Variants in SAMD4A observed in about 807,000 individuals in gnomAD.
The protein encoded by SAMD4A is sterile alpha motif domain containing 4A.
SAMD4A carries 33 observed loss-of-function variants against 81.3 expected under a neutral mutation model. That is an observed-to-expected ratio of 0.41 (90% CI 0.31 to 0.54). The LOEUF (loss-of-function observed/expected upper bound fraction) is 0.54. Among genes scored for constraint, SAMD4A ranks in the 20% least tolerant of loss-of-function variants. The pLI, the probability that SAMD4A is intolerant of heterozygous loss-of-function variation, is 0.37. For synonymous variants in SAMD4A, 389 were observed against 382.1 expected, an observed-to-expected ratio of 1.02 and a Z score of -0.21; for missense variants, 854 against 951.1, an observed-to-expected ratio of 0.90 and a Z score of 1.34.
At chr14:54,679,303 T>C (rs2036074683) in intron 2 of SAMD4A, among the ~76,000 whole-genome samples, 1 of 152,242 alleles carries the variant, frequency 6.6e-6, no homozygotes, top group African/African-American at 2.4e-5. Flanking sequence ...ACTTAGCCAC[T>C]TGATTCTGAT....
chr14:54,631,601 C>G (rs1367239188), intron 2 of SAMD4A, among the ~76,000 whole-genome samples: 1 of 152,138 alleles, frequency 6.6e-6, no homozygotes, highest in Non-Finnish European at 1.5e-5. Context: ...GATGTGGCCT[C>G]AAAGAAGGAG....
chr14:54,750,268 T>C (rs1184399566), intron 5 of SAMD4A, among the ~76,000 whole-genome samples: 1 of 152,214 alleles, frequency 6.6e-6, no homozygotes, highest in Non-Finnish European at 1.5e-5. Context: ...AACAGAAATA[T>C]ACCCCCAGTG....
rs190797260 is a variant in SAMD4A, at chr14:54,659,245, C to T, written c.197-42817C>T. On this transcript the variant is annotated intron_variant, in intron 2 of 12. Coordinates refer to ENST00000554335, the MANE Select transcript of SAMD4A (RefSeq NM_015589.6). ...TTACCCAGCTATCCTGGGTCTTGCT[C>T]GGCTGCTTGAGGACTGATGAGATCA... Among the ~76,000 whole-genome samples the T allele has an allele frequency of 2.2e-3, 334 of 152,230 alleles. 1 individual carries two copies. The highest frequency in any genetic ancestry group is 2.9e-3 in the African/African-American group (122 of 41,544).
intron 2 of SAMD4A, among the ~76,000 whole-genome samples, chr14:54,584,678 T>A (rs879170596): frequency 1.3e-5 from 2 of 152,222 alleles, no homozygotes; most frequent in Admixed American, 1.3e-4. Flanking sequence ...TTTACCGCAT[T>A]GCTTGGCAAC....
At chr14:54,739,055 C>CTTTTCTTTTTTT (rs5741994) in intron 4 of SAMD4A, among the ~76,000 whole-genome samples, 65 of 97,352 alleles carry the variant, frequency 6.7e-4, no homozygotes, top group Non-Finnish European at 9.1e-4. Flanking sequence ...CTTTCCTTTT[C>CTTTTCTTTTTTT]TTTTTTTTTT....
intron 6 of SAMD4A, among the ~76,000 whole-genome samples, chr14:54,757,354 A>G (rs1164211990): frequency 6.7e-6 from 1 of 148,594 alleles, no homozygotes; most frequent in Non-Finnish European, 1.5e-5. Context: ...AGTGTCCAAC[A>G]TTATTCGTTA....
chr14:54,631,345 C>T (rs1042597995), intron 2 of SAMD4A, among the ~76,000 whole-genome samples: 6 of 152,156 alleles, frequency 3.9e-5, no homozygotes, highest in Middle Eastern at 3.2e-3. Context: ...CTGGGCACCT[C>T]ATAGCTCAGT....
chr14:54,663,159 A>T (rs1354813653), intron 2 of SAMD4A, among the ~76,000 whole-genome samples: 1 of 152,224 alleles, frequency 6.6e-6, no homozygotes, highest in Non-Finnish European at 1.5e-5. Flanking sequence ...GATGTAAATA[A>T]TAAATTATAA....
At chr14:54,755,785 G>T (rs1243071300) in intron 6 of SAMD4A, among the ~76,000 whole-genome samples, 1 of 152,170 alleles carries the variant, frequency 6.6e-6, no homozygotes, top group Non-Finnish European at 1.5e-5. Context: ...ATGGTCACTG[G>T]AGCAGAATTT....
intron 2 of SAMD4A, among the ~76,000 whole-genome samples, chr14:54,603,985 C>T (rs919349108): frequency 5.9e-5 from 9 of 152,066 alleles, no homozygotes; most frequent in East Asian, 1.9e-4. Context: ...CCACCATGCC[C>T]GGCTAATTTT....
At chr14:54,720,899 A>G (rs1038824324) in intron 3 of SAMD4A, among the ~76,000 whole-genome samples, 1 of 152,118 alleles carries the variant, frequency 6.6e-6, no homozygotes, top group Non-Finnish European at 1.5e-5. Context: ...TGCTATGGGC[A>G]CACACACCAC....
intron 12 of SAMD4A, among the ~76,000 whole-genome samples, chr14:54,785,153 G>T (rs2039103870): frequency 6.6e-6 from 1 of 152,242 alleles, no homozygotes; most frequent in Non-Finnish European, 1.5e-5. Context: ...GACACCTGGA[G>T]CCCAAAGCAG....
At position 54,748,940 on chromosome 14, in the gene SAMD4A, G is replaced by A; in HGVS notation, c.1089+16G>A. Reference sequence around the variant, plus strand: ...GGAGGCGCAGGTATGTGCTTGAGGTGACTGTTCCCTGAGAGGGTGCCCCAG... The same window carrying A: ...GGAGGCGCAGGTATGTGCTTGAGGTAACTGTTCCCTGAGAGGGTGCCCCAG... On this transcript the variant is annotated intron_variant, in intron 5 of 12. Transcript: ENST00000554335. 6.5e-7 allele frequency: 1 copy of A among 1,534,894 alleles called. No homozygotes were observed. Among genetic ancestry groups the A allele is most frequent in the Non-Finnish European group, 8.8e-7 (1 of 1,131,768 alleles).
Position 54,662,908 on chromosome 14 carries a change from G to T in SAMD4A, c.197-39154G>T, listed in dbSNP as rs949856186. On this transcript the variant is annotated intron_variant, in intron 2 of 12. Transcript: ENST00000554335. ...CTGGGAAGTTCTGCCAGGGTTTCCTGTGCTGCTGGGCTGCTCCCTGCACTG... is the reference window on the plus strand; with the variant it reads ...CTGGGAAGTTCTGCCAGGGTTTCCTTTGCTGCTGGGCTGCTCCCTGCACTG... 1.4e-4 allele frequency among the ~76,000 whole-genome samples: 22 copies of T among 152,312 alleles called. No individual in the cohort carries two copies. The East Asian group carries it at 3.1e-3, about 21-fold the overall frequency.
chr14:54,695,024 C>G (rs1010660108), intron 2 of SAMD4A: 1 of 558,674 alleles, frequency 1.8e-6, no homozygotes, highest in South Asian at 7.9e-5. Context: ...CACCTGATGA[C>G]CTTCTGCTGT....
At chr14:54,623,205 T>C (rs1350320343) in intron 2 of SAMD4A, among the ~76,000 whole-genome samples, 3 of 152,150 alleles carry the variant, frequency 2.0e-5, no homozygotes, top group Non-Finnish European at 4.4e-5. Context: ...TGCTTTGTGG[T>C]CCCATGAGGC....
chr14:54,750,791 C>T (rs2038083670), intron 5 of SAMD4A, among the ~76,000 whole-genome samples: 1 of 152,220 alleles, frequency 6.6e-6, no homozygotes, highest in South Asian at 2.1e-4. Context: ...AATTATAAAG[C>T]CTGGAGAAAA....
Position 54,717,884 on chromosome 14 carries a change from GTT to G in SAMD4A, c.715+15320_715+15321del, listed in dbSNP as rs59380334. Among the ~76,000 whole-genome samples the G allele has an allele frequency of 2.5e-3, 331 of 131,160 alleles. 1 individual carries two copies. Among genetic ancestry groups the G allele is most frequent in the African/African-American group, 8.4e-3 (303 of 36,180 alleles). The allele number at this position is 131,160 out of a possible 152,430, so 86.0% of individuals were successfully genotyped here. Reference sequence around the variant, plus strand: ...TTGCAAGCAAATATGTTGCTTGAAGGTTTTTTTTTTTTTTTTTGCTCAATCTA... The same window carrying G: ...TTGCAAGCAAATATGTTGCTTGAAGGTTTTTTTTTTTTTTTGCTCAATCTA... On this transcript the variant is annotated intron_variant, in intron 3 of 12. Coordinates refer to ENST00000554335, the MANE Select transcript of SAMD4A (RefSeq NM_015589.6).
At chr14:54,663,834 A>G (rs2035696879) in intron 2 of SAMD4A, among the ~76,000 whole-genome samples, 1 of 152,172 alleles carries the variant, frequency 6.6e-6, no homozygotes, top group African/African-American at 2.4e-5. Flanking sequence ...ACCTCTATCT[A>G]TGGCAGTCAG....
Sources: gnomAD v4.1 joint callset for allele counts (sites outside exome capture counted in the v4.1 genomes callset) on GRCh38, gnomAD v4.1.1 for gene constraint, MANE v1.5 for transcripts, NCBI Gene and HGNC (gene_info 2026-07-23, HGNC 2026-07-21) for gene names.